THEMIS: variants seen among roughly 807,000 people sequenced by gnomAD.
THEMIS encodes thymocyte selection associated, also known as protein THEMIS.
Under a neutral mutation model 52.6 loss-of-function variants are expected in THEMIS, and 37 were observed. That is an observed-to-expected ratio of 0.70 (90% CI 0.54 to 0.93). The LOEUF (loss-of-function observed/expected upper bound fraction) is 0.93, where lower values mean the gene tolerates loss of function less well. THEMIS is among the 40% of genes least tolerant of loss of function. The pLI, the probability that THEMIS is intolerant of heterozygous loss-of-function variation, is 0.00. For missense variants in THEMIS, 808 were observed against 763.1 expected, an observed-to-expected ratio of 1.06 and a Z score of -0.69; for synonymous variants, 292 against 272.7, an observed-to-expected ratio of 1.07 and a Z score of -0.70.
intron 4 of THEMIS, among the ~76,000 whole-genome samples, chr6:127,771,835 C>G (rs893264490): frequency 6.6e-6 from 1 of 152,080 alleles, no homozygotes; most frequent in Admixed American, 6.5e-5. Context: ...CCTTAGCCCA[C>G]TATATCTTCC....
chr6:127,756,400 T>C (rs1276649326), intron 4 of THEMIS, among the ~76,000 whole-genome samples: 2 of 152,182 alleles, frequency 1.3e-5, no homozygotes, highest in Middle Eastern at 6.3e-3. Flanking sequence ...TTCAATTTTA[T>C]TCAAGGTGGC....
intron 1 of THEMIS, among the ~76,000 whole-genome samples, chr6:127,858,542 T>C (rs926255397): frequency 1.3e-5 from 2 of 152,104 alleles, no homozygotes; most frequent in African/African-American, 4.8e-5. Flanking sequence ...ATATAATGTG[T>C]CTTAAAATAT....
intron 4 of THEMIS, among the ~76,000 whole-genome samples, chr6:127,720,248 C>A (rs1226041694): frequency 6.6e-6 from 1 of 151,782 alleles, no homozygotes; most frequent in African/African-American, 2.4e-5. Flanking sequence ...TTATATAAAA[C>A]AAATCATAAC....
At chr6:127,838,265 G>A (rs1778935442) in intron 2 of THEMIS, among the ~76,000 whole-genome samples, 1 of 152,012 alleles carries the variant, frequency 6.6e-6, no homozygotes, top group Admixed American at 6.6e-5. Context: ...GTGACCCTTT[G>A]ACAATATTTT....
chr6:127,913,578 A>G (rs973313358), intron 1 of THEMIS, among the ~76,000 whole-genome samples: 4 of 152,364 alleles, frequency 2.6e-5, no homozygotes, highest in African/African-American at 7.2e-5. Flanking sequence ...CTCCTCCCCA[A>G]GATGACAGAA....
At chr6:127,876,720 A>C (rs941177204) in intron 1 of THEMIS, among the ~76,000 whole-genome samples, 4 of 152,226 alleles carry the variant, frequency 2.6e-5, no homozygotes, top group African/African-American at 9.6e-5. Context: ...AGAGTTAGTT[A>C]AAGATATAGT....
intron 2 of THEMIS, among the ~76,000 whole-genome samples, chr6:127,837,091 G>A (rs1778896479): frequency 6.6e-6 from 1 of 152,100 alleles, no homozygotes; most frequent in African/African-American, 2.4e-5. Flanking sequence ...TGATTAAGAG[G>A]AGTTTAAATG....
At chr6:127,826,961 A>C (rs4895826) in intron 3 of THEMIS, among the ~76,000 whole-genome samples, 102,581 of 151,868 alleles carry the variant, frequency 0.68, 35,913 homozygotes, top group East Asian at 0.98. Context: ...AAGCCCAAAT[A>C]TTCACATTAA....
Position 127,793,289 on chromosome 6 carries a change from T to C in THEMIS, c.1758+19594A>G, listed in dbSNP as rs1180665328. ...CAAGAGTGACAAATAAGGGAAAACT[T>C]TAAGATCAAATGGATTAAAAAGCTG... On this transcript the variant is annotated intron_variant, in intron 4 of 5. Transcript: ENST00000368248. Among the ~76,000 whole-genome samples, 7 of 152,146 alleles carry C rather than the reference T, an allele frequency of 4.6e-5. No homozygotes were observed. In the South Asian group the frequency reaches 1.0e-3, roughly 23 times the overall value.
At position 127,875,202 on chromosome 6, in the gene THEMIS, G is replaced by A. The variant is rs73771867; in HGVS notation, c.92-20014C>T. On this transcript the variant is annotated intron_variant, in intron 1 of 5. Coordinates refer to ENST00000368248, the MANE Select transcript of THEMIS (RefSeq NM_001010923.3). ...GAACCACTGGAGTAAAAGATACATG[G>A]GATCTCTTTGTATTATTTCTTACAA... 5.0e-3 allele frequency among the ~76,000 whole-genome samples: 754 copies of A among 152,278 alleles called. 6 individuals are homozygous for A. Among genetic ancestry groups the A allele is most frequent in the African/African-American group, 0.017 (724 of 41,546 alleles).
intron 4 of THEMIS, among the ~76,000 whole-genome samples, chr6:127,794,169 C>T (rs917584517): frequency 6.6e-6 from 1 of 152,198 alleles, no homozygotes; most frequent in Admixed American, 6.5e-5. Context: ...GTAGAATTAA[C>T]CATTTCTTAT....
intron 4 of THEMIS, among the ~76,000 whole-genome samples, chr6:127,725,703 A>G (rs1013929864): frequency 6.6e-6 from 1 of 152,134 alleles, no homozygotes; most frequent in South Asian, 2.1e-4. Flanking sequence ...GTTTTCTACA[A>G]TGATCCATAC....
intron 1 of THEMIS, among the ~76,000 whole-genome samples, chr6:127,872,087 T>G (rs952279757): frequency 1.3e-5 from 2 of 151,970 alleles, no homozygotes; most frequent in African/African-American, 2.4e-5. Context: ...TAGCAATATA[T>G]AAAAAGAATT....
chr6:127,804,027 A>C (rs550860948), intron 4 of THEMIS, among the ~76,000 whole-genome samples: 63 of 152,306 alleles, frequency 4.1e-4, no homozygotes, highest in African/African-American at 1.5e-3. Flanking sequence ...ATATACATGA[A>C]TAATTCTACT....
intron 3 of THEMIS, among the ~76,000 whole-genome samples, chr6:127,825,366 T>C (rs1169346342): frequency 6.6e-6 from 1 of 152,204 alleles, no homozygotes; most frequent in Non-Finnish European, 1.5e-5. Flanking sequence ...GAATACCACG[T>C]ATAATCTCTC....
At chr6:127,717,220 G>C (rs1774199653) in intron 5 of THEMIS, among the ~76,000 whole-genome samples, 1 of 151,482 alleles carries the variant, frequency 6.6e-6, no homozygotes, top group African/African-American at 2.4e-5. Context: ...AAAGCACATG[G>C]TATAGCACTA....
intron 3 of THEMIS, among the ~76,000 whole-genome samples, chr6:127,827,421 A>G (rs1253251172): frequency 6.6e-6 from 1 of 152,208 alleles, no homozygotes; most frequent in Non-Finnish European, 1.5e-5. Context: ...TATGAAATTA[A>G]CGATCCAGTA....
At chr6:127,731,398 CAG>C (rs996885718) in intron 4 of THEMIS, among the ~76,000 whole-genome samples, 11 of 151,472 alleles carry the variant, frequency 7.3e-5, no homozygotes, top group Admixed American at 2.6e-4. Context: ...GAAAAAAAAA[CAG>C]AACTCTCATG....
intron 1 of THEMIS, among the ~76,000 whole-genome samples, chr6:127,857,903 T>C (rs1356772882): frequency 6.6e-6 from 1 of 152,038 alleles, no homozygotes; most frequent in Non-Finnish European, 1.5e-5. Context: ...TAGAGGATGT[T>C]ATAAGTGGAG....
Sources: allele counts gnomAD v4.1 joint callset (sites outside exome capture counted in the v4.1 genomes callset), GRCh38; gene constraint gnomAD v4.1.1; transcripts MANE v1.5; gene names NCBI Gene and HGNC (gene_info 2026-07-23, HGNC 2026-07-21).